Variants in MXRA8 observed in about 807,000 individuals in gnomAD.
The protein encoded by MXRA8 is matrix remodeling associated 8, also known as matrix remodeling-associated protein 8.
A neutral mutation model predicts 51.4 loss-of-function variants in MXRA8; 44 were observed. The ratio of observed to expected loss-of-function variants is 0.86; its 90% CI spans 0.67 to 1.10. MXRA8 has a LOEUF of 1.10. Ranked by LOEUF, MXRA8 falls within the 50% of genes least tolerant of loss-of-function variation. The pLI, the probability that MXRA8 is intolerant of heterozygous loss-of-function variation, is 0.00. For synonymous variants in MXRA8, 369 were observed against 293.5 expected, an observed-to-expected ratio of 1.26 and a Z score of -2.63; for missense variants, 765 against 638.9, an observed-to-expected ratio of 1.20 and a Z score of -2.13.
chr1:1,359,011 C>T (rs1323400549), upstream of MXRA8: 23 of 985,360 alleles, frequency 2.3e-5, no homozygotes, highest in Non-Finnish European at 2.8e-5. Flanking sequence ...CGCTGGTGCT[C>T]TCCTTCAGAC....
chr1:1,352,695 A>C lies in MXRA8; in HGVS notation c.*909T>G, dbSNP rs1644027373. On this transcript the variant is annotated 3_prime_UTR_variant, in exon 10 of 10. Coordinates refer to ENST00000309212, the MANE Select transcript of MXRA8 (RefSeq NM_032348.4). Reference sequence around the variant, plus strand: ...GAAGCATACCTGGGACAAGTCTAAAAATCAGATGGGGACTTTATTGTGATG... The same window carrying C: ...GAAGCATACCTGGGACAAGTCTAAACATCAGATGGGGACTTTATTGTGATG... 1 of 157,522 alleles carries C rather than the reference A, an allele frequency of 6.3e-6. No individual in the cohort carries two copies. Among genetic ancestry groups the C allele is most frequent in the African/African-American group, 2.4e-5 (1 of 41,456 alleles). The allele number at this position is 157,522 out of a possible 1,614,324, so 9.8% of individuals were successfully genotyped here.
chr1:1,353,612 A>C lies in MXRA8; in HGVS notation c.1321T>G (p.Cys441Gly). ...AGGAGCCCAGGGCCTCCCTATTTGC[A>C]GTTCTCCTTCCGGAACCCTGGAAGC... ...DLDKGFRKEN[C>G]K is the part of the protein sequence containing the mutation. The change falls in exon 10 of 10, where the codon TGC (cysteine) becomes GGC (glycine). Residue 441 changes from cysteine (C) to glycine (G), a missense_variant. Cys to Gly is a radical substitution (Grantham distance 159). Transcript: ENST00000309212. 1 of 1,563,042 alleles carries C rather than the reference A, an allele frequency of 6.4e-7. No homozygotes were observed. Among genetic ancestry groups the C allele is most frequent in the Non-Finnish European group, 8.7e-7 (1 of 1,152,926 alleles).
rs1289618493 is a variant in MXRA8, at chr1:1,354,504, T to A, written c.955A>T (p.Thr319Ser). 6.2e-7 allele frequency: 1 copy of A among 1,611,406 alleles called. No individual in the cohort carries two copies. Among genetic ancestry groups the A allele is most frequent in the Admixed American group, 1.7e-5 (1 of 59,958 alleles). ...SHSGAPGPDP[T>S]LARGHNVINV... ...ATGACGTTGTGGCCGCGCGCCAGTG[T>A]GGGGTCTGCGGGGAACGCGGGGTCG... The change falls in exon 6 of 10, where the codon ACA (threonine) becomes TCA (serine). Residue 319 changes from threonine (T) to serine (S), a missense_variant. Coordinates refer to ENST00000309212, the MANE Select transcript of MXRA8 (RefSeq NM_032348.4).
In MXRA8 at chr1:1,355,324, C is replaced by T; in HGVS notation, c.398G>A (p.Gly133Glu). 1 of 1,577,690 alleles carries T rather than the reference C, an allele frequency of 6.3e-7. No homozygotes were observed. Among genetic ancestry groups the T allele is most frequent in the South Asian group, 1.1e-5 (1 of 87,304 alleles). The change falls in exon 4 of 10, where the codon GGG becomes GAG. Residue 133 changes from glycine (G) to glutamate (E), a missense_variant. Physicochemically the swap from Gly to Glu is moderately conservative, Grantham distance 98. Transcript: ENST00000309212. Reference protein sequence around the residue: ...LIRAVEETDAGLYTCNLHHHY... With the variant: ...LIRAVEETDAELYTCNLHHHY... Reference sequence around the variant, plus strand: ...ATGGTGCAGGTTGCAGGTGTACAGCCCCGCGTCCGTCTCCTCCACCGCTGC... The same window carrying T: ...ATGGTGCAGGTTGCAGGTGTACAGCTCCGCGTCCGTCTCCTCCACCGCTGC...
At chr1:1,363,232 G>A (rs540907083), upstream of MXRA8, among the ~76,000 whole-genome samples, 8 of 152,236 alleles carry the variant, frequency 5.3e-5, no homozygotes, top group East Asian at 1.9e-4. Flanking sequence ...GCAGTGAGCC[G>A]AGATTGTGCC....
upstream of MXRA8, chr1:1,359,499 TC>T (rs1362003203): frequency 1.0e-6 from 1 of 985,348 alleles, no homozygotes; most frequent in East Asian, 1.1e-4. Flanking sequence ...AGTGCATAGT[TC>T]CGCCCGCCCA....
chr1:1,359,802 A>G (rs1644197464), upstream of MXRA8, among the ~76,000 whole-genome samples: 3 of 152,170 alleles, frequency 2.0e-5, no homozygotes, highest in Non-Finnish European at 4.4e-5. Context: ...TTCAGGGCTG[A>G]ACACATCCCG....
At chr1:1,355,396 C>T (rs753627777) in intron 3 of MXRA8, 51 bp from the exon 4 acceptor site, 2 of 1,516,544 alleles carry the variant, frequency 1.3e-6, no homozygotes, top group Non-Finnish European at 1.8e-6. Flanking sequence ...CCCCCGACCC[C>T]GCGGCCCCGG....
At chr1:1,355,927 G>A (rs1644119295) in intron 2 of MXRA8, among the ~76,000 whole-genome samples, 175 bp from the exon 3 acceptor site, 1 of 127,500 alleles carries the variant, frequency 7.8e-6, no homozygotes, top group Non-Finnish European at 1.7e-5. Flanking sequence ...AGACCCCCGA[G>A]GGCCTGGATA....
At chr1:1,358,594 G>A (rs538649335), upstream of MXRA8, 24 of 1,515,924 alleles carry the variant, frequency 1.6e-5, 1 homozygote, top group African/African-American at 2.8e-5. Flanking sequence ...CTTAGCACCC[G>A]CGGTGACATC....
chr1:1,355,408 C>A, intron 3 of MXRA8, 42 bp downstream of exon 3: 1 of 1,495,968 alleles, frequency 6.7e-7, no homozygotes, highest in Non-Finnish European at 8.9e-7. Context: ...CGGCCCCGGA[C>A]CCCTGCCCCG....
chr1:1,354,626 C>A (rs915745462), intron 5 of MXRA8, 56 bp downstream of exon 5: 1 of 1,540,618 alleles, frequency 6.5e-7, no homozygotes, highest in Admixed American at 2.0e-5. Context: ...GGGCGCAGAG[C>A]AACCCCCGGT....
At chr1:1,353,962 C>T in intron 8 of MXRA8, 34 bp from the exon 9 acceptor site, 3 of 1,600,220 alleles carry the variant, frequency 1.9e-6, no homozygotes, top group Non-Finnish European at 1.7e-6. Flanking sequence ...GTCCCCGCTC[C>T]CAGGATGCAC....
At chr1:1,363,467 T>TC (rs1405547548), upstream of MXRA8, among the ~76,000 whole-genome samples, 2 of 151,864 alleles carry the variant, frequency 1.3e-5, no homozygotes, top group East Asian at 3.9e-4. Flanking sequence ...AGAGTTTTGT[T>TC]CTTTTGCTCA....
At position 1,355,052 on chromosome 1, in the gene MXRA8, CCA is replaced by C; in HGVS notation, c.577_578del (p.Trp193AspfsTer58). The C allele has an allele frequency of 6.2e-7, 1 of 1,605,518 alleles. No individual in the cohort carries two copies. The highest frequency in any genetic ancestry group is 8.5e-7 in the Non-Finnish European group (1 of 1,177,566). ...GAGCCTCCTCCACGTGCCGGTCGGT[CCA>C]CACGTGCCCGCGGTTCACGCAGGTC... is the stretch of plus-strand genomic sequence containing the variant. ...LLTCVNRGHV[W>X]TDRHVEEAQQ... On this transcript the variant is annotated frameshift_variant, in exon 5 of 10. Coordinates refer to ENST00000309212, the MANE Select transcript of MXRA8 (RefSeq NM_032348.4). LOFTEE classifies it high-confidence loss of function.
Position 1,353,118 on chromosome 1 carries a change from T to G in MXRA8, c.*486A>C. The G allele has an allele frequency of 1.4e-6, 1 of 704,232 alleles. No individual in the cohort carries two copies. The highest frequency in any genetic ancestry group is 2.5e-5 in the Admixed American group (1 of 39,874). The allele number at this position is 704,232 out of a possible 1,614,324, so 43.6% of individuals were successfully genotyped here. A position where few individuals can be genotyped will look rare whatever the true frequency, so the allele number is the denominator to read the frequency against. On this transcript the variant is annotated 3_prime_UTR_variant, in exon 10 of 10. Transcript: ENST00000309212. ...GTGGCAGGCAGCACCCCAGGAGGAG[T>G]GGGACTCCTGCCGAGGCTGACCCCA...
intron 3 of MXRA8, 45 bp downstream of exon 3, chr1:1,355,405 G>C: frequency 6.6e-7 from 1 of 1,505,686 alleles, no homozygotes; most frequent in Non-Finnish European, 8.8e-7. Context: ...CCGCGGCCCC[G>C]GACCCCTGCC....
chr1:1,363,456 CAG>C (rs200177476), upstream of MXRA8, among the ~76,000 whole-genome samples: 111,799 of 148,506 alleles, frequency 0.75, 44,105 homozygotes, highest in Non-Finnish European at 0.86. Context: ...TTTTTTGAGA[CAG>C]AGTTTTGTTC....
upstream of MXRA8, chr1:1,359,522 C>G: frequency 1.0e-6 from 1 of 985,346 alleles, no homozygotes; most frequent in Non-Finnish European, 1.2e-6. Context: ...TTGGAGTGAG[C>G]TCTCCTTACA....
Sources: allele counts gnomAD v4.1 joint callset (sites outside exome capture counted in the v4.1 genomes callset), GRCh38; gene constraint gnomAD v4.1.1; transcripts MANE v1.5; gene names NCBI Gene and HGNC (gene_info 2026-07-23, HGNC 2026-07-21).